The following SLC39A9 variants were observed in gnomAD, a reference collection of about 807,000 sequenced individuals.
SLC39A9 encodes solute carrier family 39 member 9.
SLC39A9 carries 14 observed loss-of-function variants against 28.4 expected under a neutral mutation model. That is an observed-to-expected ratio of 0.49 (90% confidence interval 0.33 to 0.77). The LOEUF is 0.77. SLC39A9 is among the 30% of genes least tolerant of loss of function. The probability of loss-of-function intolerance (pLI) is 0.02; values close to 1 mark genes in which losing one functional copy is unlikely to be tolerated. For missense variants in SLC39A9, 283 were observed against 381.1 expected, an observed-to-expected ratio of 0.74 and a Z score of 2.14; for synonymous variants, 119 against 149.6, an observed-to-expected ratio of 0.80 and a Z score of 1.49.
Position 69,448,346 on chromosome 14 carries a change from A to G in SLC39A9, c.404-4895A>G, listed in dbSNP as rs567524702. 5.6e-4 allele frequency among the ~76,000 whole-genome samples: 86 copies of G among 152,294 alleles called. No individual in the cohort carries two copies. The South Asian group carries it at 0.018, about 32-fold the overall frequency. On this transcript the variant is annotated intron_variant, in intron 3 of 6. Coordinates refer to ENST00000336643, the MANE Select transcript of SLC39A9 (RefSeq NM_018375.5). ...AAACAAAAAAGTCACTCTTTGGAGGAATATAACAAAATCTGACTATCCATG... is the reference window on the plus strand; with the variant it reads ...AAACAAAAAAGTCACTCTTTGGAGGGATATAACAAAATCTGACTATCCATG...
At chr14:69,429,168 C>T (rs1250600919) in intron 2 of SLC39A9, 1 of 152,124 alleles carries the variant, frequency 6.6e-6, no homozygotes, top group South Asian at 2.1e-4. Context: ...TTTCCAGGAC[C>T]CTCAGTTATT....
chr14:69,453,190 A>G (rs1330478608), intron 3 of SLC39A9, 51 bp from the exon 4 acceptor site: 1 of 1,504,926 alleles, frequency 6.6e-7, no homozygotes, highest in Admixed American at 1.7e-5. Context: ...CAATGTTTGA[A>G]CAGTTTCTGT....
Position 69,411,248 on chromosome 14 carries a change from G to A in SLC39A9, c.96+11783G>A, listed in dbSNP as rs142781945. 9.2e-5 allele frequency among the ~76,000 whole-genome samples: 14 copies of A among 151,798 alleles called. 1 individual carries two copies. In the East Asian group the frequency reaches 2.7e-3, roughly 29 times the overall value. The stretch of plus-strand genomic sequence containing the variant: ...AAAAAAAAAACTTTAAAAATTGTTG[G>A]CTTGTCTTTAGGTGAACCAATTTGT... On this transcript the variant is annotated intron_variant, in intron 1 of 6. Coordinates refer to ENST00000336643, the MANE Select transcript of SLC39A9 (RefSeq NM_018375.5).
chr14:69,432,314 G>A (rs1008491568), intron 2 of SLC39A9, among the ~76,000 whole-genome samples: 4 of 152,278 alleles, frequency 2.6e-5, no homozygotes, highest in South Asian at 2.1e-4. Flanking sequence ...GCCGATTAGT[G>A]ATTTGGAGTG....
rs148810940 is a variant in SLC39A9, at chr14:69,443,922, A to G, written c.403+1656A>G. Among the ~76,000 whole-genome samples, 1,066 of 151,960 alleles carry G rather than the reference A, an allele frequency of 7.0e-3. 7 individuals carry two copies. Among genetic ancestry groups the G allele is most frequent in the African/African-American group, 0.024 (1,009 of 41,442 alleles). On this transcript the variant is annotated intron_variant, in intron 3 of 6. Coordinates refer to ENST00000336643, the MANE Select transcript of SLC39A9 (RefSeq NM_018375.5). ...GAAATGTGGCCAAGCGTGGTGGCTC[A>G]TGCCTGTAATCCCAGCACTTTGAGA...
chr14:69,411,599 A>G (rs1326045074), intron 1 of SLC39A9, among the ~76,000 whole-genome samples: 1 of 152,120 alleles, frequency 6.6e-6, no homozygotes, highest in Non-Finnish European at 1.5e-5. Context: ...ATTTAAATAA[A>G]CTTTTTAGTG....
intron 1 of SLC39A9, among the ~76,000 whole-genome samples, chr14:69,402,862 A>T (rs545017762): frequency 1.3e-5 from 2 of 152,230 alleles, no homozygotes; most frequent in South Asian, 4.1e-4. Context: ...TGGGCGGATT[A>T]CCTGAGGTCA....
At chr14:69,453,331 ACTT>A in intron 4 of SLC39A9, 22 bp downstream of exon 4, 1 of 1,610,514 alleles carries the variant, frequency 6.2e-7, no homozygotes, top group Non-Finnish European at 8.5e-7. Context: ...TTGCAGTGGA[ACTT>A]CTTTGTTTTC....
At chr14:69,403,842 G>A in intron 1 of SLC39A9, among the ~76,000 whole-genome samples, 1 of 152,090 alleles carries the variant, frequency 6.6e-6, no homozygotes, top group East Asian at 1.9e-4. Context: ...TCGGGAGTTC[G>A]AGACCACCCT....
rs1383416013 is a variant in SLC39A9 at position 69,399,469 on chromosome 14, A to G, written c.96+4A>G. On this transcript the variant is annotated splice_donor_region_variant and intron_variant, in intron 1 of 6. Coordinates refer to ENST00000336643, the MANE Select transcript of SLC39A9 (RefSeq NM_018375.5). ...CTTGGCTGTTAATTTCTCAGAGGTA[A>G]GAAATTCTCAATTTTCTGTCAGCTG... The G allele has an allele frequency of 1.2e-6, 2 of 1,612,820 alleles. No homozygotes were observed. The highest frequency in any genetic ancestry group is 1.7e-5 in the Admixed American group (1 of 59,922).
chr14:69,404,864 C>G (rs1882829168), intron 1 of SLC39A9, among the ~76,000 whole-genome samples: 1 of 152,056 alleles, frequency 6.6e-6, no homozygotes, highest in Admixed American at 6.6e-5. Flanking sequence ...TGTATTAGTC[C>G]ATTCTTACAC....
intron 4 of SLC39A9, 60 bp from the exon 5 acceptor site, chr14:69,454,752 C>T (rs949310941): frequency 1.4e-6 from 2 of 1,435,462 alleles, no homozygotes; most frequent in African/African-American, 2.8e-5. Flanking sequence ...CACTCAACCA[C>T]TACACTGTTA....
intron 2 of SLC39A9, among the ~76,000 whole-genome samples, chr14:69,439,385 C>T (rs1313215445): frequency 1.3e-5 from 2 of 151,996 alleles, no homozygotes; most frequent in Non-Finnish European, 2.9e-5. Context: ...AATACTTGGG[C>T]ATAAATTTAA....
Position 69,461,230 on chromosome 14 carries a change from C to T in SLC39A9, c.*2637C>T, listed in dbSNP as rs1307329246. ...GTTAATCTTAATTGCAATTTGACTC[C>T]GTTTCCTTGGTAGGGATAGACTTTC... On this transcript the variant is annotated 3_prime_UTR_variant, in exon 7 of 7. Coordinates refer to ENST00000336643, the MANE Select transcript of SLC39A9 (RefSeq NM_018375.5). 8 of 987,190 alleles carry T rather than the reference C, an allele frequency of 8.1e-6. No homozygotes were observed. The African/African-American group carries it at 8.7e-5, about 11-fold the overall frequency. 61.2% of individuals were successfully genotyped at this position (987,190 alleles called of 1,614,324 possible).
intron 3 of SLC39A9, among the ~76,000 whole-genome samples, chr14:69,445,859 G>C (rs1885269510): frequency 6.6e-6 from 1 of 152,168 alleles, no homozygotes; most frequent in African/African-American, 2.4e-5. Context: ...ATATGGATGG[G>C]AGCGCTAACT....
At chr14:69,441,915 T>C in intron 2 of SLC39A9, 154 bp from the exon 3 acceptor site, 1 of 1,407,284 alleles carries the variant, frequency 7.1e-7, no homozygotes, top group Non-Finnish European at 9.2e-7. Flanking sequence ...AACTTTAAGT[T>C]GAAGGAGTTA....
At chr14:69,438,953 AAGAT>A (rs1441517023) in intron 2 of SLC39A9, among the ~76,000 whole-genome samples, 1 of 152,212 alleles carries the variant, frequency 6.6e-6, no homozygotes, top group Non-Finnish European at 1.5e-5. Context: ...GCAGACAAAA[AAGAT>A]AGAAGGCATT....
chr14:69,454,759 GTTA>G lies in SLC39A9; in HGVS notation c.473-50_473-48del, dbSNP rs1339094911. The G allele has an allele frequency of 3.2e-5, 46 of 1,459,810 alleles. 1 individual carries two copies. Among genetic ancestry groups the G allele is most frequent in the South Asian group, 4.6e-5 (4 of 87,174 alleles). 90.4% of individuals were successfully genotyped at this position (1,459,810 alleles called of 1,614,324 possible). A position where few individuals can be genotyped will look rare whatever the true frequency, so the allele number is the denominator to read the frequency against. On this transcript the variant is annotated intron_variant, in intron 4 of 6. Transcript: ENST00000336643. The stretch of plus-strand genomic sequence containing the variant: ...AGCTCATACACTCAACCACTACACT[GTTA>G]TTGTTGTTGTTGTTTATAGTATTTT...
intron 2 of SLC39A9, 147 bp from the exon 3 acceptor site, chr14:69,441,922 G>T: frequency 7.0e-7 from 1 of 1,419,026 alleles, no homozygotes; most frequent in Non-Finnish European, 9.2e-7. Context: ...AGTTGAAGGA[G>T]TTAATGATTG....
Sources: allele counts gnomAD v4.1 joint callset (sites outside exome capture counted in the v4.1 genomes callset), GRCh38; gene constraint gnomAD v4.1.1; transcripts MANE v1.5; gene names NCBI Gene and HGNC (gene_info 2026-07-23, HGNC 2026-07-21).